HEBP1: variants seen among roughly 807,000 people sequenced by gnomAD.
The protein encoded by HEBP1 is heme binding protein 1.
In HEBP1, 13 loss-of-function variants were observed where a neutral mutation model predicts 20.4. The ratio of observed to expected loss-of-function variants is 0.64; its 90% CI spans 0.42 to 1.01. The LOEUF (loss-of-function observed/expected upper bound fraction) is 1.01. Ranked by LOEUF, HEBP1 falls within the 50% of genes least tolerant of loss-of-function variation. The pLI is 0.00. For synonymous variants in HEBP1, 92 were observed against 90.7 expected (o/e 1.01, Z -0.08); for missense variants, 241 against 247.3 (o/e 0.97, Z 0.17).
chr12:12,993,998 A>G (rs915706356), intron 1 of HEBP1, among the ~76,000 whole-genome samples: 5 of 152,208 alleles, frequency 3.3e-5, no homozygotes, highest in Non-Finnish European at 7.3e-5. Flanking sequence ...TTCAGTCACT[A>G]CTTTATTAAT....
rs1255036404 is a variant in HEBP1 at position 12,998,230 on chromosome 12, G to A, written c.78+1807C>T. Among the ~76,000 whole-genome samples, 1 of 152,032 alleles carries A rather than the reference G, an allele frequency of 6.6e-6. No individual in the cohort carries two copies. The highest frequency in any genetic ancestry group is 2.4e-5 in the African/African-American group (1 of 41,402). On this transcript the variant is annotated intron_variant, in intron 1 of 3. Transcript: ENST00000014930. This position sits in a 1 kb window ranked among gnomAD's most constrained non-coding sequence, Gnocchi z 4.2. ...AGCCAATAAAACATAAGTTCCATGA[G>A]GGCAGAGAATTTTGCTGGTTTTAAT...
chr12:12,988,307 A>G (rs1450303374), intron 2 of HEBP1, among the ~76,000 whole-genome samples: 3 of 152,194 alleles, frequency 2.0e-5, no homozygotes, highest in Non-Finnish European at 4.4e-5. Flanking sequence ...ATTCTCATAC[A>G]TATTTTCATT....
chr12:12,984,088 T>C (rs1256912777), intron 3 of HEBP1: 3 of 183,394 alleles, frequency 1.6e-5, no homozygotes, highest in Non-Finnish European at 3.5e-5. Context: ...AAAACGAAGA[T>C]GCAGACCACT....
At chr12:12,994,944 C>T (rs1378850995) in intron 1 of HEBP1, among the ~76,000 whole-genome samples, 1 of 152,222 alleles carries the variant, frequency 6.6e-6, no homozygotes, top group African/African-American at 2.4e-5. Flanking sequence ...TGCCTAAAGG[C>T]ATTCATTCAT....
At chr12:12,995,593 T>C (rs1385474452) in intron 1 of HEBP1, among the ~76,000 whole-genome samples, 3 of 152,208 alleles carry the variant, frequency 2.0e-5, no homozygotes, top group Non-Finnish European at 4.4e-5. Context: ...TCTGTATCCA[T>C]AACCACTCAT....
intron 3 of HEBP1, chr12:12,980,385 G>A (rs1466771280): frequency 6.6e-6 from 1 of 152,266 alleles, no homozygotes; most frequent in African/African-American, 2.4e-5. Flanking sequence ...TGGAATGAAG[G>A]TGGAAGGTAC....
intron 2 of HEBP1, 94 bp downstream of exon 2, chr12:12,989,183 C>A (rs1864187115): frequency 1.5e-6 from 2 of 1,349,578 alleles, no homozygotes; most frequent in Non-Finnish European, 1.1e-6. Flanking sequence ...ACTACAGGTG[C>A]CTTGTAGCCC....
At position 13,000,179 on chromosome 12, in the gene HEBP1, G is replaced by A. The variant is rs1331446222; in HGVS notation, c.-65C>T. The A allele has an allele frequency of 7.0e-5, 65 of 926,832 alleles. 1 individual carries two copies. Among genetic ancestry groups the A allele is most frequent in the Non-Finnish European group, 8.6e-5 (54 of 627,610 alleles). 57.4% of individuals were successfully genotyped at this position (926,832 alleles called of 1,614,324 possible). A position where few individuals can be genotyped will look rare whatever the true frequency, so the allele number is the denominator to read the frequency against. Reference sequence around the variant, plus strand: ...GGTGGCGGGGGCGACGGAGCACCACGGGCAGCGACCACCGGCGGCAGGGCG... The same window carrying A: ...GGTGGCGGGGGCGACGGAGCACCACAGGCAGCGACCACCGGCGGCAGGGCG... On this transcript the variant is annotated 5_prime_UTR_variant, in exon 1 of 4. Coordinates refer to ENST00000014930, the MANE Select transcript of HEBP1 (RefSeq NM_015987.5).
At chr12:12,997,960 C>A (rs988196620) in intron 1 of HEBP1, among the ~76,000 whole-genome samples, 2 of 152,104 alleles carry the variant, frequency 1.3e-5, no homozygotes, top group Non-Finnish European at 2.9e-5. Context: ...TTTTTCATTG[C>A]CCAGGGAGGC....
At chr12:12,992,367 C>T (rs1864234553) in intron 1 of HEBP1, among the ~76,000 whole-genome samples, 1 of 152,150 alleles carries the variant, frequency 6.6e-6, no homozygotes, top group South Asian at 2.1e-4. Flanking sequence ...CCACTCCCAG[C>T]TAATTTTTGT....
At chr12:12,999,988 G>A (rs1473045963) in intron 1 of HEBP1, 49 bp downstream of exon 1, 4 of 1,329,640 alleles carry the variant, frequency 3.0e-6, no homozygotes, top group Non-Finnish European at 4.3e-6. Context: ...ACGAGGGTGG[G>A]GGTGGGAGGC....
intron 2 of HEBP1, 33 bp downstream of exon 2, chr12:12,989,244 G>C: frequency 6.2e-7 from 1 of 1,611,138 alleles, no homozygotes; most frequent in Non-Finnish European, 8.5e-7. Context: ...GCTGGTCCCC[G>C]AGACCAGAGC....
At chr12:12,975,525 T>C in intron 3 of HEBP1, 46 bp from the exon 4 acceptor site, 1 of 1,527,424 alleles carries the variant, frequency 6.5e-7, no homozygotes, top group Non-Finnish European at 8.9e-7. Flanking sequence ...ACATGACCTC[T>C]GAGAGAGGGG....
rs768443060 is a variant in HEBP1 at position 13,000,105 on chromosome 12, T to C, written c.10A>G (p.Met4Val). 1.9e-6 allele frequency: 3 copies of C among 1,610,160 alleles called. No individual in the cohort carries two copies. The highest frequency in any genetic ancestry group is 1.3e-5 in the African/African-American group (1 of 74,774). MLG[M>V]IKNSLFGSVE... ...CTTCCGAACAGCGAGTTCTTGATCA[T>C]GCCCAACATGTTGTAGCCGAGACGC... is the stretch of plus-strand genomic sequence containing the variant. The change falls in exon 1 of 4, where the codon ATG (methionine) becomes GTG (valine). Residue 4 changes from methionine to valine, a missense_variant. Physicochemically the swap from Met to Val is conservative, Grantham distance 21 (BLOSUM62 1). Coordinates refer to ENST00000014930, the MANE Select transcript of HEBP1 (RefSeq NM_015987.5).
intron 3 of HEBP1, chr12:12,980,119 C>T (rs574965304): frequency 6.6e-6 from 1 of 152,282 alleles, no homozygotes; most frequent in South Asian, 2.1e-4. Flanking sequence ...TGCATGCAGC[C>T]CTGTGCTAGG....
Position 12,974,969 on chromosome 12 carries a change from C to T in HEBP1, c.*339G>A, listed in dbSNP as rs1863958068. ...GATCAGGCACAAATCACATTTTCCC[C>T]CTTAATAACAAAATACAAATCCAAT... On this transcript the variant is annotated 3_prime_UTR_variant, in exon 4 of 4. Transcript: ENST00000014930. 5.0e-6 allele frequency: 1 copy of T among 198,166 alleles called. No homozygotes were observed. The highest frequency in any genetic ancestry group is 2.4e-5 in the African/African-American group (1 of 42,128). The allele number at this position is 198,166 out of a possible 1,614,324, so 12.3% of individuals were successfully genotyped here.
In HEBP1 at chr12:12,975,088, A is replaced by G. The variant is rs73068796; in HGVS notation, c.*220T>C. 4,576 of 416,902 alleles carry G rather than the reference A, an allele frequency of 0.011. 40 individuals are homozygous for G. Among genetic ancestry groups the G allele is most frequent in the Middle Eastern group, 0.019 (30 of 1,576 alleles). The allele number at this position is 416,902 out of a possible 1,614,324, so 25.8% of individuals were successfully genotyped here. A position where few individuals can be genotyped will look rare whatever the true frequency, so the allele number is the denominator to read the frequency against. On this transcript the variant is annotated 3_prime_UTR_variant, in exon 4 of 4. Transcript: ENST00000014930. ...TCGCAGAATTTTCTACATCAATGAG[A>G]AGGATGCTGCATATCTTGGCTGTAT...
chr12:12,995,490 A>G (rs1425073399), intron 1 of HEBP1, among the ~76,000 whole-genome samples: 1 of 152,204 alleles, frequency 6.6e-6, no homozygotes, highest in Non-Finnish European at 1.5e-5. Flanking sequence ...GGGCAGAGAG[A>G]TGAGGACCTC....
At chr12:12,992,352 C>T (rs530242327) in intron 1 of HEBP1, among the ~76,000 whole-genome samples, 5 of 152,134 alleles carry the variant, frequency 3.3e-5, no homozygotes, top group Admixed American at 6.5e-5. Context: ...TACAGGCGAA[C>T]GCCACCACTC....
Sources: gnomAD v4.1 joint callset for allele counts (sites outside exome capture counted in the v4.1 genomes callset) on GRCh38, gnomAD v4.1.1 for gene constraint, Gnocchi (gnomAD v3.1) non-coding constraint, MANE v1.5 for transcripts, NCBI Gene and HGNC (gene_info 2026-07-23, HGNC 2026-07-21) for gene names.